The following B3GAT2 variants were observed in gnomAD, a reference collection of about 807,000 sequenced individuals.
The protein encoded by B3GAT2 is beta-1,3-glucuronyltransferase 2, also known as galactosylgalactosylxylosylprotein 3-beta-glucuronosyltransferase 2.
Under a neutral mutation model 27.8 loss-of-function variants are expected in B3GAT2, and 26 were observed. The observed-to-expected ratio is 0.93, with a 90% CI of 0.68 to 1.30. The LOEUF is 1.30. B3GAT2 is among the 50% of genes most tolerant of loss of function. The pLI, the probability that B3GAT2 is intolerant of heterozygous loss-of-function variation, is 0.00. For synonymous variants in B3GAT2, 218 were observed against 195.1 expected (o/e 1.12, Z -0.98); for missense variants, 458 against 459.0 (o/e 1.00, Z 0.02).
chr6:70,940,287 A>T (rs1003774625), intron 1 of B3GAT2, among the ~76,000 whole-genome samples: 6 of 152,182 alleles, frequency 3.9e-5, no homozygotes, highest in African/African-American at 1.2e-4. Flanking sequence ...AAGCAAGCTT[A>T]TGGGGCTTCC....
At chr6:70,862,806 C>T (rs1403358187) in intron 2 of B3GAT2, among the ~76,000 whole-genome samples, 1 of 151,442 alleles carries the variant, frequency 6.6e-6, no homozygotes, top group Non-Finnish European at 1.5e-5. Flanking sequence ...CCTGTCTCTA[C>T]AAAAAATACA....
chr6:70,956,248 TGAGCCGGGCCGCCCCTGCGGAGCGG>T lies in B3GAT2; in HGVS notation c.157_181del (p.Pro53ThrfsTer38). 6.2e-7 allele frequency: 1 copy of T among 1,611,458 alleles called. No homozygotes were observed. Among genetic ancestry groups the T allele is most frequent in the Non-Finnish European group, 8.5e-7 (1 of 1,178,664 alleles). On this transcript the variant is annotated frameshift_variant, in exon 1 of 4. Coordinates refer to ENST00000230053, the MANE Select transcript of B3GAT2 (RefSeq NM_080742.3). LOFTEE classifies it high-confidence loss of function. Reference sequence around the variant, plus strand: ...AGACTGGTTGCGCTTTTGGGTCCCGTGAGCCGGGCCGCCCCTGCGGAGCGGGAGTCGGGCGCCCCCGCGGCCCACC... The same window carrying T: ...AGACTGGTTGCGCTTTTGGGTCCCGTGAGTCGGGCGCCCCCGCGGCCCACC...
rs975419127 is a variant in B3GAT2, at chr6:70,944,922, C to T, written c.591+10917G>A. Among the ~76,000 whole-genome samples the T allele has an allele frequency of 7.9e-5, 12 of 152,154 alleles. No homozygotes were observed. In the South Asian group the frequency reaches 8.3e-4, roughly 11 times the overall value. On this transcript the variant is annotated intron_variant, in intron 1 of 3. Transcript: ENST00000230053. ...GCAGCATTCGCGGTTCACGAAAATA[C>T]GCTGTTCTGCAGCCACCGCTGCTGA...
intron 1 of B3GAT2, among the ~76,000 whole-genome samples, chr6:70,923,543 G>C (rs1582383166): frequency 6.6e-6 from 1 of 152,122 alleles, no homozygotes; most frequent in Non-Finnish European, 1.5e-5. Context: ...AGGCATGGTT[G>C]TGTGAACCTA....
intron 1 of B3GAT2, among the ~76,000 whole-genome samples, chr6:70,930,833 G>A (rs1042357836): frequency 6.6e-6 from 1 of 152,086 alleles, no homozygotes; most frequent in Non-Finnish European, 1.5e-5. Context: ...CCCATTACTG[G>A]TTATATACCC....
chr6:70,916,167 G>C (rs890187797), intron 1 of B3GAT2, among the ~76,000 whole-genome samples: 2 of 151,872 alleles, frequency 1.3e-5, no homozygotes, highest in African/African-American at 2.4e-5. Flanking sequence ...AGGCAGTTGG[G>C]AATGGGAGTT....
chr6:70,913,835 C>A (rs902880298), intron 1 of B3GAT2, among the ~76,000 whole-genome samples: 1 of 152,142 alleles, frequency 6.6e-6, no homozygotes, highest in African/African-American at 2.4e-5. Flanking sequence ...TTATCCATGT[C>A]TCTTTGTAGG....
chr6:70,872,762 C>T (rs558942171), intron 2 of B3GAT2, among the ~76,000 whole-genome samples: 38 of 151,960 alleles, frequency 2.5e-4, no homozygotes, highest in Non-Finnish European at 4.9e-4. Context: ...TTTTATTCCT[C>T]TATTTCTCTA....
chr6:70,920,392 C>G (rs564057410), intron 1 of B3GAT2, among the ~76,000 whole-genome samples: 1 of 152,328 alleles, frequency 6.6e-6, no homozygotes, highest in South Asian at 2.1e-4. Context: ...GTGAGGGATG[C>G]CCCGCCCTGC....
At position 70,956,014 on chromosome 6, in the gene B3GAT2, T is replaced by C; in HGVS notation, c.416A>G (p.His139Arg). 3.3e-6 allele frequency: 5 copies of C among 1,501,106 alleles called. No individual in the cohort carries two copies. Among genetic ancestry groups the C allele is most frequent in the Non-Finnish European group, 4.4e-6 (5 of 1,135,016 alleles). 93.0% of individuals were successfully genotyped at this position (1,501,106 alleles called of 1,614,324 possible). Residue 139 changes from histidine to arginine, a missense_variant, in exon 1 of 4, where the codon CAC (histidine) becomes CGC (arginine). His to Arg is a conservative substitution (Grantham distance 29, BLOSUM62 0). Transcript: ENST00000230053. ...FLARAGLPST[H>R]LHVPTPRRYK... ...GCGCCGCGGCGTGGGCACGTGCAGG[T>C]GAGTGCTGGGCAGCCCGGCCCGCGC...
At chr6:70,899,153 G>C (rs1278550551) in intron 1 of B3GAT2, among the ~76,000 whole-genome samples, 1 of 152,088 alleles carries the variant, frequency 6.6e-6, no homozygotes, top group African/African-American at 2.4e-5. Context: ...AAAAGGAAAA[G>C]AGAAATTGCC....
intron 1 of B3GAT2, among the ~76,000 whole-genome samples, chr6:70,935,868 C>T (rs1292160497): frequency 6.6e-6 from 1 of 151,970 alleles, no homozygotes. Flanking sequence ...AACCAGCTAA[C>T]ATCATAATGA....
At chr6:70,927,178 A>G (rs866219170) in intron 1 of B3GAT2, among the ~76,000 whole-genome samples, 2 of 152,226 alleles carry the variant, frequency 1.3e-5, no homozygotes, top group Admixed American at 6.5e-5. Flanking sequence ...TGAAGGAAGA[A>G]CTAAACATGG....
intron 1 of B3GAT2, among the ~76,000 whole-genome samples, chr6:70,935,501 A>G (rs1170177608): frequency 4.6e-5 from 7 of 150,728 alleles, no homozygotes; most frequent in African/African-American, 1.7e-4. Flanking sequence ...TCCAAATGTC[A>G]TTGAAAAGTA....
At chr6:70,884,030 T>C (rs1470265449) in intron 2 of B3GAT2, among the ~76,000 whole-genome samples, 8 of 130,498 alleles carry the variant, frequency 6.1e-5, no homozygotes. Flanking sequence ...GAAATAGGAG[T>C]CGCTTCTGAT....
chr6:70,873,839 ATTTT>A (rs755662112), intron 2 of B3GAT2, among the ~76,000 whole-genome samples: 2 of 151,872 alleles, frequency 1.3e-5, no homozygotes, highest in Non-Finnish European at 2.9e-5. Context: ...CCTCTATTGA[ATTTT>A]TTGTTTTTAT....
In B3GAT2 at chr6:70,857,979, A is replaced by G; in HGVS notation, c.*3684T>C. On this transcript the variant is annotated 3_prime_UTR_variant, in exon 4 of 4. Transcript: ENST00000230053. ...ACCTCACAAGCACCAGCTGCATTTCAGGGCTTTCCATCGATGGGCGTGCCT... is the reference window on the plus strand; with the variant it reads ...ACCTCACAAGCACCAGCTGCATTTCGGGGCTTTCCATCGATGGGCGTGCCT... 1.2e-6 allele frequency: 2 copies of G among 1,614,152 alleles called. No homozygotes were observed. Among genetic ancestry groups the G allele is most frequent in the Non-Finnish European group, 1.7e-6 (2 of 1,180,008 alleles).
chr6:70,942,622 T>C (rs1468241317), intron 1 of B3GAT2, among the ~76,000 whole-genome samples: 1 of 152,198 alleles, frequency 6.6e-6, no homozygotes, highest in Non-Finnish European at 1.5e-5. Flanking sequence ...CATGCATATT[T>C]AGTCCAGAGA....
chr6:70,907,356 C>T (rs1407396936), intron 1 of B3GAT2, among the ~76,000 whole-genome samples: 1 of 152,192 alleles, frequency 6.6e-6, no homozygotes, highest in Non-Finnish European at 1.5e-5. Flanking sequence ...CAGCAGCCAC[C>T]TTGCAACCAG....
Sources: allele counts gnomAD v4.1 joint callset (sites outside exome capture counted in the v4.1 genomes callset), GRCh38; gene constraint gnomAD v4.1.1; transcripts MANE v1.5; gene names NCBI Gene and HGNC (gene_info 2026-07-23, HGNC 2026-07-21).